Variants in MPPED2 observed in about 807,000 individuals in gnomAD.
MPPED2 encodes metallophosphoesterase domain containing 2, also known as metallophosphoesterase MPPED2.
A neutral mutation model predicts 33.0 loss-of-function variants in MPPED2; 5 were observed. The observed-to-expected ratio is 0.15, with a 90% confidence interval of 0.08 to 0.32. The LOEUF (loss-of-function observed/expected upper bound fraction) is 0.32, where lower values mean the gene tolerates loss of function less well. Ranked by LOEUF, MPPED2 falls within the 10% of genes least tolerant of loss-of-function variation. The probability of loss-of-function intolerance (pLI) is 1.00; values close to 1 mark genes in which losing one functional copy is unlikely to be tolerated. For synonymous variants in MPPED2, 136 were observed against 141.9 expected, an observed-to-expected ratio of 0.96 and a Z score of 0.29; for missense variants, 275 against 372.1, an observed-to-expected ratio of 0.74 and a Z score of 2.15.
intron 2 of MPPED2, among the ~76,000 whole-genome samples, chr11:30,556,442 T>C (rs1955967911): frequency 6.6e-6 from 1 of 152,228 alleles, no homozygotes; most frequent in Admixed American, 6.5e-5. Context: ...TGGGTCTGGA[T>C]TGCATTTACC....
At position 30,437,837 on chromosome 11, in the gene MPPED2, C is replaced by T. The variant is rs1949391344; in HGVS notation, c.537-20204G>A. Among the ~76,000 whole-genome samples the T allele has an allele frequency of 2.6e-5, 4 of 152,002 alleles. 1 individual carries two copies. The South Asian group carries it at 8.3e-4, about 32-fold the overall frequency. The stretch of plus-strand genomic sequence containing the variant: ...CTCCAGAGCCAAGGAGCAGGAATCT[C>T]GGGGGAAGCAAAGCTGATGGGGCCT... On this transcript the variant is annotated intron_variant, in intron 4 of 6. Transcript: ENST00000358117.
At position 30,580,480 on chromosome 11, in the gene MPPED2, T is replaced by C. The variant is rs1285827775; in HGVS notation, c.-107A>G. The stretch of plus-strand genomic sequence containing the variant: ...CTGAATCCAAGGATCTACTCATCAA[T>C]ACCGCTGTGCATTTCTGAAAGAAAA... On this transcript the variant is annotated 5_prime_UTR_variant, in exon 2 of 7. Transcript: ENST00000358117. 4.7e-6 allele frequency: 7 copies of C among 1,500,910 alleles called. No individual in the cohort carries two copies. In the Admixed American group the frequency reaches 6.6e-5, roughly 14 times the overall value. The allele number at this position is 1,500,910 out of a possible 1,614,324, so 93.0% of individuals were successfully genotyped here. A position where few individuals can be genotyped will look rare whatever the true frequency, so the allele number is the denominator to read the frequency against.
At chr11:30,493,363 T>A in intron 4 of MPPED2, among the ~76,000 whole-genome samples, 1 of 138,390 alleles carries the variant, frequency 7.2e-6, no homozygotes, top group Non-Finnish European at 1.5e-5. Flanking sequence ...AGAACGAGAC[T>A]CCGTCTCAAA....
chr11:30,560,759 A>C (rs1440609489), intron 2 of MPPED2, among the ~76,000 whole-genome samples: 2 of 152,208 alleles, frequency 1.3e-5, no homozygotes, highest in Admixed American at 6.5e-5. Context: ...AGGCGATGCA[A>C]ATGCAATCTT....
intron 4 of MPPED2, among the ~76,000 whole-genome samples, chr11:30,440,325 G>A (rs896134623): frequency 2.1e-5 from 3 of 140,290 alleles, no homozygotes; most frequent in Non-Finnish European, 4.8e-5. Flanking sequence ...GTGAGACTCC[G>A]TCTCCAAAAA....
At chr11:30,422,600 C>T (rs1376801232) in intron 4 of MPPED2, among the ~76,000 whole-genome samples, 1 of 152,126 alleles carries the variant, frequency 6.6e-6, no homozygotes, top group Non-Finnish European at 1.5e-5. Flanking sequence ...GCACAGCCAA[C>T]CTCCAGAGCC....
chr11:30,388,259 C>G (rs539065569), exon 7 of MPPED2: 1 of 152,348 alleles, frequency 6.6e-6, no homozygotes, highest in Non-Finnish European at 1.5e-5. Context: ...ATGGAATTGT[C>G]TTCAGGCTGG....
intron 4 of MPPED2, among the ~76,000 whole-genome samples, chr11:30,427,745 A>C (rs527366543): frequency 1.3e-5 from 2 of 152,248 alleles, no homozygotes; most frequent in Non-Finnish European, 2.9e-5. Context: ...ACAGACGGAC[A>C]TGCCTAATGG....
downstream of MPPED2, among the ~76,000 whole-genome samples, chr11:30,409,146 G>A (rs1948034420): frequency 6.6e-6 from 1 of 152,164 alleles, no homozygotes; most frequent in Non-Finnish European, 1.5e-5. Context: ...ACTTGTGATC[G>A]TGATTACCCA....
chr11:30,512,280 C>T (rs1200094239), intron 3 of MPPED2, among the ~76,000 whole-genome samples: 1 of 150,692 alleles, frequency 6.6e-6, no homozygotes, highest in Non-Finnish European at 1.5e-5. Flanking sequence ...TTCATGTGAC[C>T]TCAGACATTC....
At chr11:30,512,269 G>A (rs1953252449) in intron 3 of MPPED2, among the ~76,000 whole-genome samples, 1 of 151,756 alleles carries the variant, frequency 6.6e-6, no homozygotes, top group African/African-American at 2.4e-5. Flanking sequence ...TCCATATCTT[G>A]TTCATGTGAC....
chr11:30,518,626 C>A (rs1337824029), intron 3 of MPPED2, among the ~76,000 whole-genome samples: 2 of 152,208 alleles, frequency 1.3e-5, no homozygotes, highest in Non-Finnish European at 2.9e-5. Flanking sequence ...TTATGCTTCA[C>A]ATTAAAATAA....
intron 4 of MPPED2, among the ~76,000 whole-genome samples, chr11:30,445,409 T>C (rs1949759127): frequency 6.6e-6 from 1 of 152,240 alleles, no homozygotes; most frequent in East Asian, 1.9e-4. Context: ...GGGATTTGCA[T>C]TCCAGTCTAG....
intron 2 of MPPED2, among the ~76,000 whole-genome samples, chr11:30,542,689 T>A (rs1425482819): frequency 1.3e-5 from 2 of 151,998 alleles, no homozygotes; most frequent in Non-Finnish European, 2.9e-5. Flanking sequence ...TTGTTTAAGG[T>A]ATGTCTCCTC....
rs1948084545 is a variant in MPPED2 at position 30,411,070 on chromosome 11, AT to A, written c.*397del. ...ATTGAAAATTAAAATATTTCAAACA[AT>A]ACTCTTAAACAGTTGTGCAAATCTG... On this transcript the variant is annotated 3_prime_UTR_variant, in exon 7 of 7. Coordinates refer to ENST00000358117, the MANE Select transcript of MPPED2 (RefSeq NM_001584.3). The A allele has an allele frequency of 7.1e-6, 7 of 986,782 alleles. No homozygotes were observed. The South Asian group carries it at 2.3e-4, about 33-fold the overall frequency. The allele number at this position is 986,782 out of a possible 1,614,324, so 61.1% of individuals were successfully genotyped here. A position where few individuals can be genotyped will look rare whatever the true frequency, so the allele number is the denominator to read the frequency against.
At chr11:30,578,299 A>C (rs529164265) in intron 2 of MPPED2, among the ~76,000 whole-genome samples, 1 of 152,318 alleles carries the variant, frequency 6.6e-6, no homozygotes, top group East Asian at 1.9e-4. Context: ...CAGAGGGTTC[A>C]GATGGGAAGC....
At chr11:30,400,477 C>T (rs941319766) in intron 6 of MPPED2, among the ~76,000 whole-genome samples, 2 of 152,154 alleles carry the variant, frequency 1.3e-5, no homozygotes, top group African/African-American at 4.8e-5. Flanking sequence ...TGATCAAGGC[C>T]CTAGCCATTC....
intron 3 of MPPED2, among the ~76,000 whole-genome samples, chr11:30,523,376 C>T (rs977823520): frequency 6.6e-6 from 1 of 152,032 alleles, no homozygotes; most frequent in African/African-American, 2.4e-5. Context: ...CCAAATGCCA[C>T]GTTGGTATAA....
intron 4 of MPPED2, among the ~76,000 whole-genome samples, chr11:30,449,622 C>T (rs1949963435): frequency 6.6e-6 from 1 of 152,094 alleles, no homozygotes; most frequent in Non-Finnish European, 1.5e-5. Context: ...CAGCCTGAGA[C>T]AGAGGAAAAC....
Sources: gnomAD v4.1 joint callset for allele counts (sites outside exome capture counted in the v4.1 genomes callset) on GRCh38, gnomAD v4.1.1 for gene constraint, MANE v1.5 for transcripts, NCBI Gene and HGNC (gene_info 2026-07-23, HGNC 2026-07-21) for gene names.